The following LHPP variants were observed in gnomAD, a reference collection of about 807,000 sequenced individuals.
LHPP encodes phospholysine phosphohistidine inorganic pyrophosphate phosphatase.
LHPP carries 24 observed loss-of-function variants against 30.3 expected under a neutral mutation model. The observed-to-expected ratio is 0.79, with a 90% CI of 0.57 to 1.11. LHPP has a LOEUF of 1.11. Ranked by LOEUF, LHPP falls within the 50% of genes most tolerant of loss-of-function variation. The probability of loss-of-function intolerance (pLI) is 0.00; values close to 1 mark genes in which losing one functional copy is unlikely to be tolerated. For missense variants in LHPP, 356 were observed against 367.2 expected, an observed-to-expected ratio of 0.97 and a Z score of 0.25; for synonymous variants, 150 against 157.1, an observed-to-expected ratio of 0.95 and a Z score of 0.34.
At chr10:124,532,766 C>T (rs1201612643) in intron 6 of LHPP, among the ~76,000 whole-genome samples, 2 of 152,184 alleles carry the variant, frequency 1.3e-5, no homozygotes, top group African/African-American at 4.8e-5. Flanking sequence ...ACTCACCCAG[C>T]ATCACCCAGC....
Position 124,590,084 on chromosome 10 carries a change from A to G in LHPP, c.717-23180A>G, listed in dbSNP as rs930435150. 6.6e-6 allele frequency among the ~76,000 whole-genome samples: 1 copy of G among 152,132 alleles called. No homozygotes were observed. On this transcript the variant is annotated intron_variant, in intron 6 of 6. Coordinates refer to ENST00000368842, the MANE Select transcript of LHPP (RefSeq NM_022126.4). The surrounding 1 kb of genome is among the most constrained non-coding windows in gnomAD (Gnocchi z 4.3). Reference sequence around the variant, plus strand: ...GACTGGCTTTGCAGGTTTTTTATCCATCGTTCTTTCCAAAGAATAGTGTGA... The same window carrying G: ...GACTGGCTTTGCAGGTTTTTTATCCGTCGTTCTTTCCAAAGAATAGTGTGA...
intron 6 of LHPP, among the ~76,000 whole-genome samples, chr10:124,543,347 C>T (rs542426046): frequency 2.0e-5 from 3 of 152,376 alleles, no homozygotes; most frequent in East Asian, 1.9e-4. Context: ...GGCCCAGGTG[C>T]GGGGTCTGCC....
intron 6 of LHPP, among the ~76,000 whole-genome samples, chr10:124,529,805 A>ACACACG (rs1303297692): frequency 8.0e-6 from 1 of 124,904 alleles, no homozygotes; most frequent in Non-Finnish European, 1.8e-5. Flanking sequence ...ATACACACAC[A>ACACACG]CACACACGCA....
intron 6 of LHPP, among the ~76,000 whole-genome samples, chr10:124,562,934 TAAAAAAAAAAAG>T (rs1030005402): frequency 8.7e-5 from 9 of 102,896 alleles, no homozygotes; most frequent in South Asian, 3.0e-4. Context: ...AGATACCATC[TAAAAAAAAAAAG>T]AAAAAAAAAA....
chr10:124,602,862 C>G (rs768376264), intron 6 of LHPP, among the ~76,000 whole-genome samples: 1 of 152,250 alleles, frequency 6.6e-6, no homozygotes. Context: ...AGACGCAGTG[C>G]GCCCCTCTCC....
chr10:124,586,174 G>A (rs1005081019), intron 6 of LHPP, among the ~76,000 whole-genome samples: 1 of 152,234 alleles, frequency 6.6e-6, no homozygotes, highest in Non-Finnish European at 1.5e-5. Flanking sequence ...TAGTGAAGCA[G>A]GTGAACCCTG....
intron 6 of LHPP, among the ~76,000 whole-genome samples, chr10:124,581,154 A>G (rs908864280): frequency 1.4e-5 from 2 of 146,878 alleles, no homozygotes; most frequent in Non-Finnish European, 3.0e-5. Context: ...GAATGGAGTC[A>G]TATAGTATGT....
chr10:124,527,416 G>C (rs1439832318), intron 6 of LHPP, among the ~76,000 whole-genome samples: 2 of 152,226 alleles, frequency 1.3e-5, no homozygotes, highest in Non-Finnish European at 2.9e-5. Context: ...TTTGTGCACA[G>C]GTTCCTCTGT....
intron 6 of LHPP, among the ~76,000 whole-genome samples, chr10:124,556,364 C>T (rs554947720): frequency 3.1e-4 from 47 of 152,360 alleles, no homozygotes; most frequent in African/African-American, 1.1e-3. Context: ...CCGGGGCCAT[C>T]GTTTTAATGG....
At chr10:124,571,448 G>A (rs566053086) in intron 6 of LHPP, among the ~76,000 whole-genome samples, 1 of 152,208 alleles carries the variant, frequency 6.6e-6, no homozygotes, top group Non-Finnish European at 1.5e-5. Context: ...TTCCGTTCAG[G>A]AAATTTACCT....
chr10:124,519,011 G>C (rs879426428), intron 6 of LHPP, among the ~76,000 whole-genome samples: 1 of 152,052 alleles, frequency 6.6e-6, no homozygotes, highest in Non-Finnish European at 1.5e-5. Context: ...AGGTGCGATC[G>C]ATCTCAGCTC....
At chr10:124,597,907 C>G (rs1409785104) in intron 6 of LHPP, among the ~76,000 whole-genome samples, 1 of 152,236 alleles carries the variant, frequency 6.6e-6, no homozygotes, top group East Asian at 1.9e-4. Context: ...AGAGGCTGCT[C>G]TGCTCCAAGG....
chr10:124,571,656 A>G (rs1294372615), intron 6 of LHPP, among the ~76,000 whole-genome samples: 2 of 151,708 alleles, frequency 1.3e-5, no homozygotes, highest in African/African-American at 4.8e-5. Context: ...TTATGAGATC[A>G]TGGACCTCTT....
intron 5 of LHPP, chr10:124,498,878 C>A (rs1439495545): frequency 8.5e-5 from 19 of 222,470 alleles, no homozygotes; most frequent in African/African-American, 4.1e-4. Flanking sequence ...CCACGCCTGG[C>A]AAACTTTTTT....
At chr10:124,489,663 A>G (rs947237923) in intron 3 of LHPP, among the ~76,000 whole-genome samples, 1 of 152,090 alleles carries the variant, frequency 6.6e-6, no homozygotes, top group Non-Finnish European at 1.5e-5. Flanking sequence ...CATGTTGGCC[A>G]GGATGGTCTC....
intron 6 of LHPP, among the ~76,000 whole-genome samples, chr10:124,612,002 C>A (rs1564853830): frequency 6.6e-6 from 1 of 152,326 alleles, no homozygotes; most frequent in East Asian, 1.9e-4. Flanking sequence ...CAAGCTCCAG[C>A]GGCACCTCTG....
Position 124,607,864 on chromosome 10 carries a change from C to T in LHPP, c.717-5400C>T, listed in dbSNP as rs1011552201. ...AGACCCGGGCCGCGGCCTCAGCCCC[C>T]GACTCCTTGTAAGCGTGGGCTGGGT... is the stretch of plus-strand genomic sequence containing the variant. On this transcript the variant is annotated intron_variant, in intron 6 of 6. Coordinates refer to ENST00000368842, the MANE Select transcript of LHPP (RefSeq NM_022126.4). Among the ~76,000 whole-genome samples the T allele has an allele frequency of 1.8e-4, 27 of 152,192 alleles. 1 individual carries two copies.
At chr10:124,463,029 G>A (rs1262128162) in intron 1 of LHPP, among the ~76,000 whole-genome samples, 1 of 152,058 alleles carries the variant, frequency 6.6e-6, no homozygotes, top group Non-Finnish European at 1.5e-5. Flanking sequence ...CACCACACCC[G>A]GCTAATTTTT....
intron 6 of LHPP, among the ~76,000 whole-genome samples, chr10:124,530,824 G>C (rs1028982619): frequency 6.6e-6 from 1 of 152,200 alleles, no homozygotes; most frequent in African/African-American, 2.4e-5. Flanking sequence ...GCACAGGGCC[G>C]AGGGCCACCA....
Sources: gnomAD v4.1 joint callset for allele counts (sites outside exome capture counted in the v4.1 genomes callset) on GRCh38, gnomAD v4.1.1 for gene constraint, Gnocchi (gnomAD v3.1) non-coding constraint, MANE v1.5 for transcripts, NCBI Gene and HGNC (gene_info 2026-07-23, HGNC 2026-07-21) for gene names.